ADAM32: variants seen among roughly 807,000 people sequenced by gnomAD.
The protein encoded by ADAM32 is ADAM metallopeptidase domain 32.
Under a neutral mutation model 114.9 loss-of-function variants are expected in ADAM32, and 89 were observed. That is an observed-to-expected ratio of 0.77 (90% CI 0.65 to 0.92). The LOEUF is 0.92. ADAM32 is among the 40% of genes least tolerant of loss of function. ADAM32 has a pLI of 0.00. For missense variants in ADAM32, 870 were observed against 932.8 expected (o/e 0.93, Z 0.88); for synonymous variants, 285 against 307.5 (o/e 0.93, Z 0.77).
chr8:39,222,997 C>T, intron 13 of ADAM32, 43 bp from the exon 14 acceptor site: 2 of 1,433,592 alleles, frequency 1.4e-6, no homozygotes, highest in Non-Finnish European at 1.9e-6. Flanking sequence ...AAACAGTAAT[C>T]CTATTTGTAA....
rs778038493 is a variant in ADAM32 at position 39,234,003 on chromosome 8, T to A, written c.1739T>A (p.Ile580Lys). The change falls in exon 16 of 25, where the codon ATA becomes AAA. Residue 580 changes from isoleucine to lysine, a missense_variant. Physicochemically the swap from Ile to Lys is moderately radical, Grantham distance 102. Coordinates refer to ENST00000379907, the MANE Select transcript of ADAM32 (RefSeq NM_145004.7). ...IYAFVRDSVC[I>K]TVDYKLPRTV... ...GCTTTCGTACGAGATTCTGTATGCA[T>A]AACTGTAGACTACAAATTGCCTCGA... The A allele has an allele frequency of 7.7e-6, 12 of 1,564,734 alleles. No homozygotes were observed. The highest frequency in any genetic ancestry group is 8.7e-6 in the Non-Finnish European group (10 of 1,152,870).
At chr8:39,275,924 G>A (rs1162062441) in intron 22 of ADAM32, 58 bp downstream of exon 22, 14 of 1,427,968 alleles carry the variant, frequency 9.8e-6, no homozygotes, top group Non-Finnish European at 1.2e-5. Flanking sequence ...AAATTGAGAT[G>A]AACAAATTGA....
At chr8:39,228,264 A>G (rs1809521288) in intron 14 of ADAM32, among the ~76,000 whole-genome samples, 1 of 152,172 alleles carries the variant, frequency 6.6e-6, no homozygotes, top group African/African-American at 2.4e-5. Context: ...ATATGACAAA[A>G]CAAGGCTCTT....
At chr8:39,170,516 T>A (rs958125215) in intron 10 of ADAM32, among the ~76,000 whole-genome samples, 1 of 152,032 alleles carries the variant, frequency 6.6e-6, no homozygotes, top group Non-Finnish European at 1.5e-5. Flanking sequence ...AGTTGATGCA[T>A]CTCTTTGTGC....
At chr8:39,123,991 G>A (rs1801949549) in intron 2 of ADAM32, among the ~76,000 whole-genome samples, 1 of 151,818 alleles carries the variant, frequency 6.6e-6, no homozygotes, top group Non-Finnish European at 1.5e-5. Flanking sequence ...ACAGGCATGA[G>A]CCACTGTGCC....
chr8:39,134,171 T>C (rs150502859), intron 2 of ADAM32, among the ~76,000 whole-genome samples: 132 of 152,082 alleles, frequency 8.7e-4, no homozygotes, highest in African/African-American at 3.1e-3. Context: ...GCTGAGGAAA[T>C]GGGGCTGTTG....
chr8:39,230,657 A>G (rs756954755), intron 14 of ADAM32, among the ~76,000 whole-genome samples: 10 of 152,164 alleles, frequency 6.6e-5, no homozygotes, highest in Non-Finnish European at 1.3e-4. Flanking sequence ...CATGGAATCT[A>G]TACAATCTCC....
chr8:39,283,518 TA>T, intron 23 of ADAM32, 67 bp from the exon 24 acceptor site: 2 of 1,272,680 alleles, frequency 1.6e-6, no homozygotes, highest in Non-Finnish European at 2.1e-6. Context: ...CCATAACAAA[TA>T]AATACAACAT....
At position 39,246,133 on chromosome 8, in the gene ADAM32, A is replaced by G. The variant is rs955510989; in HGVS notation, c.1869A>G (p.Ala623=). The change falls in exon 17 of 25, where the codon GCA becomes GCG. Residue 623 remains alanine (A), a synonymous_variant. Coordinates refer to ENST00000379907, the MANE Select transcript of ADAM32 (RefSeq NM_145004.7). The part of the protein sequence containing the change: ...CVESRIIKAS[A]HVCSQQCSGH... ...AATCAAGGATAATTAAGGCTTCAGC[A>G]CATGTTTGTTCACAACAGTGTTCTG... The G allele has an allele frequency of 2.5e-6, 4 of 1,613,626 alleles. 1 individual carries two copies. The highest frequency in any genetic ancestry group is 1.3e-5 in the African/African-American group (1 of 75,042).
chr8:39,247,487 T>TG lies in ADAM32; in HGVS notation c.1902+1321_1902+1322insG, dbSNP rs1491161232. 6.3e-3 allele frequency among the ~76,000 whole-genome samples: 951 copies of TG among 152,072 alleles called. 5 individuals are homozygous for TG. The highest frequency in any genetic ancestry group is 0.021 in the African/African-American group (881 of 41,504). ...ATATTTCATATACTTATTTTCCATC[T>TG]ATTTTTTTTTGGTGAGGGGCCTTTT... On this transcript the variant is annotated intron_variant, in intron 17 of 24. Transcript: ENST00000379907.
intron 21 of ADAM32, 114 bp downstream of exon 21, chr8:39,274,464 C>A: frequency 1.7e-6 from 2 of 1,185,114 alleles, no homozygotes; most frequent in Non-Finnish European, 2.4e-6. Context: ...AAGCAATGCA[C>A]TAAAATCCAG....
At chr8:39,200,532 C>T (rs555083748) in intron 11 of ADAM32, among the ~76,000 whole-genome samples, 5 of 152,296 alleles carry the variant, frequency 3.3e-5, no homozygotes, top group Admixed American at 3.3e-4. Flanking sequence ...AGCCCTTTGT[C>T]AGATGAGTAG....
At chr8:39,207,585 G>A (rs4733991) in intron 11 of ADAM32, among the ~76,000 whole-genome samples, 37,461 of 152,016 alleles carry the variant, frequency 0.25, 5,000 homozygotes, top group Non-Finnish European at 0.29. Context: ...TCTTCTAGCT[G>A]TCTTGGAATA....
intron 15 of ADAM32, 95 bp downstream of exon 15, chr8:39,232,230 A>T: frequency 1.0e-6 from 1 of 962,576 alleles, no homozygotes; most frequent in Non-Finnish European, 1.5e-6. Context: ...AGTGGTTTAA[A>T]GTATTACATG....
chr8:39,144,185 G>C (rs1208889391), intron 3 of ADAM32, among the ~76,000 whole-genome samples: 2 of 152,168 alleles, frequency 1.3e-5, no homozygotes. Context: ...TCCCGGGTGA[G>C]ACAACACCCT....
At chr8:39,213,668 T>C (rs1217361435) in intron 12 of ADAM32, among the ~76,000 whole-genome samples, 1 of 152,202 alleles carries the variant, frequency 6.6e-6, no homozygotes, top group Non-Finnish European at 1.5e-5. Context: ...TTTTTTGTGT[T>C]ACAAACAATC....
chr8:39,171,502 C>T (rs1564527567), intron 10 of ADAM32, among the ~76,000 whole-genome samples: 1 of 152,028 alleles, frequency 6.6e-6, no homozygotes, highest in Non-Finnish European at 1.5e-5. Flanking sequence ...TGTGATTTTG[C>T]AGCACCTATT....
intron 19 of ADAM32, among the ~76,000 whole-genome samples, chr8:39,268,327 C>G (rs1484042947): frequency 3.9e-5 from 6 of 152,080 alleles, no homozygotes; most frequent in Non-Finnish European, 7.4e-5. Context: ...TTGAATTTCT[C>G]TAATGGTTAA....
At chr8:39,143,119 A>G (rs1016013176) in intron 3 of ADAM32, among the ~76,000 whole-genome samples, 3 of 151,910 alleles carry the variant, frequency 2.0e-5, no homozygotes, top group Non-Finnish European at 2.9e-5. Context: ...ACCTTTTTTC[A>G]AGGTTTTTGG....
Sources: allele counts gnomAD v4.1 joint callset (sites outside exome capture counted in the v4.1 genomes callset), GRCh38; gene constraint gnomAD v4.1.1; transcripts MANE v1.5; gene names NCBI Gene and HGNC (gene_info 2026-07-23, HGNC 2026-07-21).